PDE1A: variants seen among roughly 807,000 people sequenced by gnomAD.
PDE1A encodes phosphodiesterase 1A.
Under a neutral mutation model 61.7 loss-of-function variants are expected in PDE1A, and 35 were observed. The observed-to-expected ratio is 0.57, with a 90% CI of 0.43 to 0.75. The LOEUF is 0.75. Ranked by LOEUF, PDE1A falls within the 30% of genes least tolerant of loss-of-function variation. The probability of loss-of-function intolerance (pLI) is 0.00; values close to 1 mark genes in which losing one functional copy is unlikely to be tolerated. For missense variants in PDE1A, 597 were observed against 630.6 expected (o/e 0.95, Z 0.57); for synonymous variants, 232 against 213.2 (o/e 1.09, Z -0.77).
chr2:182,412,833 C>G (rs1304711663), intron 1 of PDE1A, among the ~76,000 whole-genome samples: 2 of 152,148 alleles, frequency 1.3e-5, no homozygotes, highest in Non-Finnish European at 2.9e-5. Context: ...ATAGGACATG[C>G]ATTAAACAAT....
chr2:182,602,232 G>A, the PDE1A span, among the ~76,000 whole-genome samples: 1 of 152,246 alleles, frequency 6.6e-6, no homozygotes, highest in East Asian at 1.9e-4. Context: ...CACGGCTTGG[G>A]CAGCTGCAGC....
chr2:182,537,522 T>A, the PDE1A span, among the ~76,000 whole-genome samples: 1 of 151,890 alleles, frequency 6.6e-6, no homozygotes, highest in African/African-American at 2.4e-5. Flanking sequence ...AGGGGAGGGA[T>A]AGCATTAGGA....
intron 1 of PDE1A, among the ~76,000 whole-genome samples, chr2:182,332,515 T>C (rs571729538): frequency 5.9e-5 from 9 of 152,314 alleles, no homozygotes; most frequent in African/African-American, 2.2e-4. Context: ...CTTTGATGTT[T>C]GTGACCTTCG....
chr2:182,453,805 A>T (rs1365562643), intron 2 of PDE1A, among the ~76,000 whole-genome samples: 3 of 152,196 alleles, frequency 2.0e-5, no homozygotes, highest in Non-Finnish European at 4.4e-5. Context: ...ACCCACAGCC[A>T]ATATCATACT....
chr2:182,364,466 T>TAAAAAAAAA (rs201821721), intron 1 of PDE1A, among the ~76,000 whole-genome samples: 517 of 35,838 alleles, frequency 0.014, 142 homozygotes, highest in Non-Finnish European at 0.018. Context: ...AACACTTTGG[T>TAAAAAAAAA]AAAAAAAAAA....
rs1219608685 is a variant in PDE1A, at chr2:182,451,378, CAAAAAA to C, written c.101+70892_101+70897del. 5.7e-4 allele frequency among the ~76,000 whole-genome samples: 7 copies of C among 12,304 alleles called. 2 individuals are homozygous for C. Among genetic ancestry groups the C allele is most frequent in the African/African-American group, 2.3e-3 (7 of 3,058 alleles). The allele number at this position is 12,304 out of a possible 152,430, so 8.1% of individuals were successfully genotyped here. On this transcript the variant is annotated intron_variant, in intron 2 of 14. Transcript: ENST00000410103. ...TGGGCGACAGAGCGAGACTCCGTCT[CAAAAAA>C]AAAAAAAAAAAAAAATATTTTAACT...
At chr2:182,462,968 C>T (rs1046845058) in intron 2 of PDE1A, among the ~76,000 whole-genome samples, 5 of 152,062 alleles carry the variant, frequency 3.3e-5, no homozygotes, top group Non-Finnish European at 7.4e-5. Context: ...AGGCCGGGTG[C>T]GGTGGCTCAC....
chr2:182,476,470 C>A (rs1687372541), intron 2 of PDE1A, among the ~76,000 whole-genome samples: 1 of 151,846 alleles, frequency 6.6e-6, no homozygotes, highest in Non-Finnish European at 1.5e-5. Flanking sequence ...ACCTGGGCAA[C>A]AAAGCGAGAC....
At chr2:182,694,441 G>A in the PDE1A span, among the ~76,000 whole-genome samples, 9 of 152,114 alleles carry the variant, frequency 5.9e-5, no homozygotes, top group Non-Finnish European at 1.0e-4. Context: ...ACTGAGCATC[G>A]GGAATCCACT....
chr2:182,299,761 T>C (rs528780244), intron 1 of PDE1A, among the ~76,000 whole-genome samples: 1 of 152,238 alleles, frequency 6.6e-6, no homozygotes, highest in East Asian at 1.9e-4. Context: ...CAGAAGCAGT[T>C]CAGATTCACA....
At chr2:182,211,233 T>G (rs1009171597) in intron 7 of PDE1A, among the ~76,000 whole-genome samples, 1 of 152,238 alleles carries the variant, frequency 6.6e-6, no homozygotes, top group Non-Finnish European at 1.5e-5. Context: ...CTTTTGCATG[T>G]GGATGTTCAG....
intron 10 of PDE1A, among the ~76,000 whole-genome samples, chr2:182,196,168 C>T (rs931713960): frequency 2.0e-5 from 3 of 151,960 alleles, no homozygotes; most frequent in African/African-American, 7.2e-5. Context: ...ATTATTTTGA[C>T]CTTTAGCTCC....
At chr2:182,339,848 C>T (rs532475072) in intron 1 of PDE1A, among the ~76,000 whole-genome samples, 5 of 152,202 alleles carry the variant, frequency 3.3e-5, no homozygotes, top group African/African-American at 1.2e-4. Flanking sequence ...TGCAATTATT[C>T]TTATGTTTTG....
the PDE1A span, among the ~76,000 whole-genome samples, chr2:182,671,055 T>A: frequency 6.6e-6 from 1 of 152,136 alleles, no homozygotes; most frequent in Non-Finnish European, 1.5e-5. Flanking sequence ...TGACCCCAAG[T>A]GATCCGCCCA....
chr2:182,203,138 AC>A (rs1686805616), intron 8 of PDE1A, among the ~76,000 whole-genome samples: 1 of 151,178 alleles, frequency 6.6e-6, no homozygotes, highest in South Asian at 2.1e-4. Context: ...ACACGGTGAA[AC>A]CCCGTCTCTA....
At chr2:182,705,285 G>C in the PDE1A span, among the ~76,000 whole-genome samples, 2 of 152,072 alleles carry the variant, frequency 1.3e-5, no homozygotes, top group South Asian at 4.1e-4. Flanking sequence ...TGGCTCAGTG[G>C]CATTTTTACA....
At chr2:182,160,559 T>C (rs1443807386) in intron 13 of PDE1A, among the ~76,000 whole-genome samples, 1 of 152,156 alleles carries the variant, frequency 6.6e-6, no homozygotes, top group East Asian at 1.9e-4. Flanking sequence ...CCTTAAACTC[T>C]GAGATGCAGT....
rs566329916 is a variant in PDE1A, at chr2:182,223,791, T to C, written c.776+73A>G. On this transcript the variant is annotated intron_variant, in intron 7 of 13. Coordinates refer to ENST00000351439, the Ensembl canonical transcript of PDE1A. ...TAGAATCTTTATTATTTTTTAAAAA[T>C]CCTCTTAAGTGATATGCAGAAAAAT... The C allele has an allele frequency of 2.4e-4, 192 of 809,176 alleles. 2 individuals are homozygous for C. The South Asian group carries it at 3.3e-3, about 14-fold the overall frequency. 50.1% of individuals were successfully genotyped at this position (809,176 alleles called of 1,614,324 possible).
intron 1 of PDE1A, among the ~76,000 whole-genome samples, chr2:182,424,896 A>G (rs1427552525): frequency 6.6e-6 from 1 of 152,206 alleles, no homozygotes; most frequent in Non-Finnish European, 1.5e-5. Context: ...CCCTGGTGAA[A>G]GTATGAGAGC....
Sources: allele counts gnomAD v4.1 joint callset (sites outside exome capture counted in the v4.1 genomes callset), GRCh38; gene constraint gnomAD v4.1.1; transcripts MANE v1.5; gene names NCBI Gene and HGNC (gene_info 2026-07-23, HGNC 2026-07-21).